The following TMEM207 variants were observed in gnomAD, a reference collection of about 807,000 sequenced individuals.
TMEM207 encodes the protein transmembrane protein 207.
TMEM207 carries 15 observed loss-of-function variants against 17.4 expected under a neutral mutation model. The observed-to-expected ratio is 0.86, with a 90% CI of 0.58 to 1.33. The LOEUF is 1.33. TMEM207 is among the 40% of genes most tolerant of loss of function. TMEM207 has a pLI of 0.00. For synonymous variants in TMEM207, 70 were observed against 65.6 expected (o/e 1.07, Z -0.33); for missense variants, 205 against 173.8 (o/e 1.18, Z -1.01).
intron 1 of TMEM207, among the ~76,000 whole-genome samples, chr3:190,448,281 A>C (rs1720093496): frequency 6.6e-6 from 1 of 152,128 alleles, no homozygotes; most frequent in African/African-American, 2.4e-5. Flanking sequence ...AATGGGCATT[A>C]AATATATATT....
At chr3:190,437,932 G>C (rs546518428) in intron 4 of TMEM207, among the ~76,000 whole-genome samples, 11 of 151,802 alleles carry the variant, frequency 7.2e-5, no homozygotes, top group African/African-American at 2.7e-4. Context: ...AAAATGATGA[G>C]TTCATGTCCC....
chr3:190,430,496 T>C (rs1202220209), intron 4 of TMEM207, among the ~76,000 whole-genome samples: 1 of 151,040 alleles, frequency 6.6e-6, no homozygotes, highest in Admixed American at 6.6e-5. Flanking sequence ...TATTAATATA[T>C]GACTATATAT....
At chr3:190,443,823 C>G (rs955690861) in intron 2 of TMEM207, among the ~76,000 whole-genome samples, 6 of 151,986 alleles carry the variant, frequency 3.9e-5, no homozygotes, top group Admixed American at 3.9e-4. Context: ...AGGGATTGGT[C>G]AAATTGGTAT....
In TMEM207 at chr3:190,447,795, A is replaced by C; in HGVS notation, c.108T>G (p.Asp36Glu). The C allele has an allele frequency of 6.2e-7, 1 of 1,611,778 alleles. No individual in the cohort carries two copies. Among genetic ancestry groups the C allele is most frequent in the Non-Finnish European group, 8.5e-7 (1 of 1,179,100 alleles). The change falls in exon 2 of 5, where the codon GAT becomes GAG. Residue 36 changes from aspartate (D) to glutamate (E), a missense_variant. Transcript: ENST00000354905. ...LVLSDLPCEE[D>E]EMCVNYNDQH... ...GTTTTTCGCTGTTTACTTACATTTC[A>C]TCTTCTTCGCATGGTAGGTCCGAGA...
At chr3:190,446,502 G>C (rs1486561301) in intron 2 of TMEM207, among the ~76,000 whole-genome samples, 1 of 53,526 alleles carries the variant, frequency 1.9e-5, no homozygotes, top group African/African-American at 1.5e-4. Context: ...TTCATTTGAG[G>C]GTTAATTTTT....
chr3:190,448,787 C>G (rs1007409205), intron 1 of TMEM207, among the ~76,000 whole-genome samples: 2 of 152,116 alleles, frequency 1.3e-5, no homozygotes, highest in Admixed American at 6.6e-5. Flanking sequence ...AAAGCATCTT[C>G]TTCAGCACCT....
chr3:190,434,761 G>A (rs1272998138), intron 4 of TMEM207, among the ~76,000 whole-genome samples: 1 of 152,210 alleles, frequency 6.6e-6, no homozygotes, highest in East Asian at 1.9e-4. Context: ...GAAGACATGA[G>A]GTCATTGAGC....
At chr3:190,439,168 CTCCGTCTCAAAAAAAAAAAAA>C (rs1250263825) in intron 4 of TMEM207, among the ~76,000 whole-genome samples, 2 of 127,730 alleles carry the variant, frequency 1.6e-5, no homozygotes, top group Non-Finnish European at 3.2e-5. Flanking sequence ...CAGAGCGAGA[CTCCGTCTCAAAAAAAAAAAAA>C]AAAAAAAAAA....
intron 4 of TMEM207, 128 bp downstream of exon 4, chr3:190,440,115 GC>G: frequency 9.3e-7 from 1 of 1,080,668 alleles, no homozygotes; most frequent in Non-Finnish European, 1.3e-6. Context: ...CTCAGTGCAG[GC>G]CTTGGTGTCT....
At chr3:190,448,613 G>A (rs1010770457) in intron 1 of TMEM207, among the ~76,000 whole-genome samples, 2 of 152,064 alleles carry the variant, frequency 1.3e-5, no homozygotes, top group African/African-American at 2.4e-5. Flanking sequence ...GTCTTTAAAC[G>A]GCATTTATGT....
intron 4 of TMEM207, among the ~76,000 whole-genome samples, chr3:190,434,505 G>C (rs1719759799): frequency 6.6e-6 from 1 of 152,182 alleles, no homozygotes; most frequent in African/African-American, 2.4e-5. Flanking sequence ...CAGCCACATG[G>C]AACTGTAAGT....
At chr3:190,431,283 A>C (rs1022497108) in intron 4 of TMEM207, among the ~76,000 whole-genome samples, 1 of 152,130 alleles carries the variant, frequency 6.6e-6, no homozygotes, top group African/African-American at 2.4e-5. Context: ...AGGCTAAATG[A>C]GCATAAAGTA....
chr3:190,446,227 T>C (rs1300793409), intron 2 of TMEM207, among the ~76,000 whole-genome samples: 1 of 152,196 alleles, frequency 6.6e-6, no homozygotes, highest in Non-Finnish European at 1.5e-5. Context: ...TATCAGGAGA[T>C]AATGTCTCAG....
rs137870229 is a variant in TMEM207 at position 190,441,980 on chromosome 3, C to G, written c.114-498G>C. On this transcript the variant is annotated intron_variant, in intron 2 of 4. Transcript: ENST00000354905. ...ACAATTGGTGAGGAAAGAAATTAGG[C>G]TAGGAGGAAAATGAATGAACGTGGC... Among the ~76,000 whole-genome samples, 859 of 152,278 alleles carry G rather than the reference C, an allele frequency of 5.6e-3. 3 individuals are homozygous for G. The highest frequency in any genetic ancestry group is 0.02 in the Middle Eastern group (6 of 294).
At chr3:190,440,865 G>C (rs936160809) in intron 3 of TMEM207, among the ~76,000 whole-genome samples, 4 of 152,132 alleles carry the variant, frequency 2.6e-5, no homozygotes, top group African/African-American at 9.7e-5. Flanking sequence ...TCAGGAGATC[G>C]AGAACATCCT....
At chr3:190,436,291 T>A (rs1304841436) in intron 4 of TMEM207, among the ~76,000 whole-genome samples, 4 of 152,238 alleles carry the variant, frequency 2.6e-5, no homozygotes, top group Non-Finnish European at 5.9e-5. Context: ...ATTTCCCACA[T>A]TCTGTATTCA....
intron 4 of TMEM207, among the ~76,000 whole-genome samples, chr3:190,433,494 A>T (rs965931143): frequency 1.3e-5 from 2 of 152,152 alleles, no homozygotes; most frequent in Non-Finnish European, 2.9e-5. Flanking sequence ...TTACCCTATC[A>T]TAATTATAGT....
Position 190,449,780 on chromosome 3 carries a change from G to A in TMEM207, c.30C>T (p.Thr10=), listed in dbSNP as rs1298043954. 1.8e-5 allele frequency: 29 copies of A among 1,613,734 alleles called. No individual in the cohort carries two copies. Among genetic ancestry groups the A allele is most frequent in the Non-Finnish European group, 2.5e-5 (29 of 1,179,800 alleles). Residue 10 remains threonine (T), a synonymous_variant, in exon 1 of 5, where the codon ACC becomes ACT. Coordinates refer to ENST00000354905, the MANE Select transcript of TMEM207 (RefSeq NM_207316.3). The part of the protein sequence containing the change: MSRSRLFSV[T]SAISTIGILC... ...AGATCCCTATCGTTGAGATCGCTGA[G>A]GTGACACTGAAAAGTCTGGATCTTG...
intron 4 of TMEM207, among the ~76,000 whole-genome samples, chr3:190,431,282 G>A (rs544945389): frequency 7.2e-5 from 11 of 152,154 alleles, no homozygotes; most frequent in African/African-American, 2.6e-4. Flanking sequence ...AAGGCTAAAT[G>A]AGCATAAAGT....
Sources: allele counts gnomAD v4.1 joint callset (sites outside exome capture counted in the v4.1 genomes callset), GRCh38; gene constraint gnomAD v4.1.1; transcripts MANE v1.5; gene names NCBI Gene and HGNC (gene_info 2026-07-23, HGNC 2026-07-21).